ZNF705A: variants seen among roughly 807,000 people sequenced by gnomAD.
ZNF705A encodes the protein zinc finger protein 705A.
Under a neutral mutation model 16.6 loss-of-function variants are expected in ZNF705A, and 8 were observed. The ratio of observed to expected loss-of-function variants is 0.48; its 90% CI spans 0.28 to 0.87. The LOEUF (loss-of-function observed/expected upper bound fraction) is 0.87, where lower values mean the gene tolerates loss of function less well. ZNF705A is among the 40% of genes least tolerant of loss of function. The pLI is 0.10. For synonymous variants in ZNF705A, 73 were observed against 117.3 expected, an observed-to-expected ratio of 0.62 and a Z score of 2.44; for missense variants, 233 against 359.9, an observed-to-expected ratio of 0.65 and a Z score of 2.85.
upstream of ZNF705A, among the ~76,000 whole-genome samples, chr12:8,172,236 G>A (rs1948451531): frequency 6.6e-6 from 1 of 151,450 alleles, no homozygotes; most frequent in South Asian, 2.1e-4. Flanking sequence ...TTCCACATGT[G>A]GATGGAGTCA....
At chr12:8,170,188 C>CG (rs1284225303), upstream of ZNF705A, among the ~76,000 whole-genome samples, 1 of 114,974 alleles carries the variant, frequency 8.7e-6, no homozygotes, top group African/African-American at 5.2e-5. Flanking sequence ...AAACTCTCCC[C>CG]CCCCCCCCAA....
chr12:8,173,039 T>TA (rs1384592665), intron 1 of ZNF705A, among the ~76,000 whole-genome samples: 3 of 152,234 alleles, frequency 2.0e-5, no homozygotes, highest in Admixed American at 2.0e-4. Context: ...TTGGCTGAAA[T>TA]AGACTTAGGA....
upstream of ZNF705A, among the ~76,000 whole-genome samples, chr12:8,171,805 C>T (rs984108944): frequency 4.6e-5 from 7 of 152,006 alleles, no homozygotes; most frequent in Non-Finnish European, 1.0e-4. Context: ...GGTGGGATCT[C>T]GGCTCACTGT....
chr12:8,160,635 G>C (rs1948346845), intron 1 of ZNF705A, among the ~76,000 whole-genome samples: 1 of 149,950 alleles, frequency 6.7e-6, no homozygotes, highest in South Asian at 2.1e-4. Context: ...CTTGGTTGCT[G>C]TTGGTGTATA....
chr12:8,170,743 A>G (rs1565415176), upstream of ZNF705A, among the ~76,000 whole-genome samples: 1 of 152,226 alleles, frequency 6.6e-6, no homozygotes, highest in Admixed American at 6.5e-5. Context: ...ACTACATAAT[A>G]CATGTACTGT....
intron 1 of ZNF705A, among the ~76,000 whole-genome samples, chr12:8,159,612 T>C (rs1227867205): frequency 2.6e-5 from 4 of 152,302 alleles, no homozygotes; most frequent in South Asian, 4.2e-4. Context: ...ATATCTTCTT[T>C]TGAGAATTGT....
At chr12:8,163,173 C>T (rs1182534277) in intron 1 of ZNF705A, among the ~76,000 whole-genome samples, 5 of 152,130 alleles carry the variant, frequency 3.3e-5, no homozygotes. Flanking sequence ...AATTGTCTTC[C>T]TTAGGTGCTT....
upstream of ZNF705A, among the ~76,000 whole-genome samples, chr12:8,171,531 G>A (rs1178055222): frequency 6.6e-6 from 1 of 152,116 alleles, no homozygotes. Context: ...ATATCAGATT[G>A]AGCTGCTAAA....
chr12:8,164,846 T>C (rs1010627498), intron 1 of ZNF705A, among the ~76,000 whole-genome samples: 1 of 152,238 alleles, frequency 6.6e-6, no homozygotes, highest in Admixed American at 6.5e-5. Flanking sequence ...TTTGGGTATA[T>C]ACCTAGTAAT....
rs1948394274 is a variant in ZNF705A, at chr12:8,165,686, C to A, written c.-71-6869C>A. ...GCCTTTGTCCCCACCTTCCCTTCCC[C>A]CTCTAGTAGTCCCCAGTATCTGTTG... On this transcript the variant is annotated intron_variant, in intron 1 of 5. Coordinates refer to the ZNF705A transcript ENST00000396570. Among the ~76,000 whole-genome samples, 6 of 152,062 alleles carry A rather than the reference C, an allele frequency of 3.9e-5. 1 individual carries two copies. In the South Asian group the frequency reaches 1.2e-3, roughly 31 times the overall value.
At chr12:8,170,298 G>T (rs1948435879), upstream of ZNF705A, among the ~76,000 whole-genome samples, 1 of 151,912 alleles carries the variant, frequency 6.6e-6, no homozygotes, top group Non-Finnish European at 1.5e-5. Context: ...CTGCTCTGGT[G>T]AAAAGTTTGT....
chr12:8,172,926 G>A (rs1481519991), intron 1 of ZNF705A, among the ~76,000 whole-genome samples: 2 of 151,990 alleles, frequency 1.3e-5, no homozygotes, highest in African/African-American at 2.4e-5. Context: ...CCCTATTAAG[G>A]CTATTTACAA....
chr12:8,171,655 G>A (rs1023041951), upstream of ZNF705A, among the ~76,000 whole-genome samples: 3 of 152,156 alleles, frequency 2.0e-5, no homozygotes, highest in African/African-American at 7.2e-5. Context: ...TCTGATGCAG[G>A]AGATTTTAAG....
chr12:8,167,387 CCAG>C (rs1410289231), intron 1 of ZNF705A, among the ~76,000 whole-genome samples: 4 of 152,258 alleles, frequency 2.6e-5, no homozygotes, highest in Admixed American at 2.0e-4. Context: ...GGGAGTGTCT[CCAG>C]AAGGAAGTTT....
At chr12:8,158,149 T>C (rs1472334513) in intron 1 of ZNF705A, among the ~76,000 whole-genome samples, 1 of 152,180 alleles carries the variant, frequency 6.6e-6, no homozygotes, top group Non-Finnish European at 1.5e-5. Context: ...GAGTAGGATG[T>C]GTTTGCTCTC....
At chr12:8,166,652 A>T (rs1245206487) in intron 1 of ZNF705A, among the ~76,000 whole-genome samples, 1 of 152,132 alleles carries the variant, frequency 6.6e-6, no homozygotes, top group Non-Finnish European at 1.5e-5. Flanking sequence ...TCAGCAGTGC[A>T]CTCCTGTACT....
At chr12:8,169,363 T>C (rs1232369302), upstream of ZNF705A, among the ~76,000 whole-genome samples, 1 of 152,230 alleles carries the variant, frequency 6.6e-6, no homozygotes, top group Non-Finnish European at 1.5e-5. Context: ...GTCAAGATAA[T>C]AGGATTTTCC....
Position 8,164,088 on chromosome 12 carries a change from A to G in ZNF705A, c.-72+6996A>G, listed in dbSNP as rs539081645. Among the ~76,000 whole-genome samples, 84 of 152,248 alleles carry G rather than the reference A, an allele frequency of 5.5e-4. 1 individual carries two copies. In the South Asian group the frequency reaches 0.012, roughly 22 times the overall value. ...TATTATTATTTTTATTTTGGAAAGA[A>G]ATATTGGTAAGAATACAAAATCTAC... On this transcript the variant is annotated intron_variant, in intron 1 of 5. Transcript: ENST00000396570.
At chr12:8,176,015 A>G (rs1344227053) in intron 4 of ZNF705A, 73 bp downstream of exon 5, 2 of 1,594,628 alleles carry the variant, frequency 1.3e-6, no homozygotes, top group African/African-American at 2.7e-5. Context: ...GTAATGAAGC[A>G]CAATCACCTG....
Sources: gnomAD v4.1 joint callset for allele counts (sites outside exome capture counted in the v4.1 genomes callset) on GRCh38, gnomAD v4.1.1 for gene constraint, MANE v1.5 for transcripts, NCBI Gene and HGNC (gene_info 2026-07-23, HGNC 2026-07-21) for gene names.